The following CNTNAP5 variants were observed in gnomAD, a reference collection of about 807,000 sequenced individuals.
CNTNAP5 encodes the protein contactin-associated protein-like 5.
Under a neutral mutation model 150.2 loss-of-function variants are expected in CNTNAP5, and 72 were observed. The observed-to-expected ratio is 0.48, with a 90% confidence interval of 0.40 to 0.58. The LOEUF (loss-of-function observed/expected upper bound fraction) is 0.58. Among genes scored for constraint, CNTNAP5 ranks in the 20% least tolerant of loss-of-function variants. The pLI is 0.00. For synonymous variants in CNTNAP5, 672 were observed against 619.8 expected, an observed-to-expected ratio of 1.08 and a Z score of -1.25; for missense variants, 1,636 against 1,626.2, an observed-to-expected ratio of 1.01 and a Z score of -0.10.
At chr2:124,673,224 TA>T (rs1678859428) in intron 13 of CNTNAP5, among the ~76,000 whole-genome samples, 1 of 139,662 alleles carries the variant, frequency 7.2e-6, no homozygotes, top group Admixed American at 7.1e-5. Context: ...TACACAATCT[TA>T]AAACACTACA....
chr2:124,420,468 C>T (rs1692073902), intron 4 of CNTNAP5, among the ~76,000 whole-genome samples: 2 of 152,140 alleles, frequency 1.3e-5, no homozygotes, highest in South Asian at 2.1e-4. Context: ...CCTCCCTTCA[C>T]ACTGCAACTG....
At chr2:124,170,377 T>C (rs1356549458) in intron 1 of CNTNAP5, among the ~76,000 whole-genome samples, 1 of 152,202 alleles carries the variant, frequency 6.6e-6, no homozygotes, top group East Asian at 1.9e-4. Flanking sequence ...ACTTGTTCAT[T>C]TGGCATGATT....
At chr2:124,798,040 C>A (rs1397618465) in intron 18 of CNTNAP5, 56 bp from the exon 19 acceptor site, 36 of 1,372,646 alleles carry the variant, frequency 2.6e-5, no homozygotes, top group Non-Finnish European at 3.5e-5. Flanking sequence ...CTAAGGTTAG[C>A]TTGAACAATG....
intron 19 of CNTNAP5, among the ~76,000 whole-genome samples, chr2:124,802,135 G>T (rs1451200851): frequency 6.6e-6 from 1 of 152,098 alleles, no homozygotes; most frequent in East Asian, 1.9e-4. Flanking sequence ...GTGCACAATG[G>T]CTCTAATTTT....
chr2:124,754,790 C>T (rs1204590070), intron 14 of CNTNAP5, among the ~76,000 whole-genome samples: 1 of 152,010 alleles, frequency 6.6e-6, no homozygotes, highest in African/African-American at 2.4e-5. Context: ...TGACCTCAAG[C>T]AATCCTCACG....
chr2:124,496,703 G>A (rs1478780239), intron 7 of CNTNAP5, among the ~76,000 whole-genome samples: 1 of 152,172 alleles, frequency 6.6e-6, no homozygotes, highest in African/African-American at 2.4e-5. Flanking sequence ...TCCTGGAGTG[G>A]CGGGACAGCC....
At chr2:124,773,070 T>C (rs1681241632) in intron 17 of CNTNAP5, 53 bp downstream of exon 17, 1 of 1,413,934 alleles carries the variant, frequency 7.1e-7, no homozygotes, top group Admixed American at 1.7e-5. Flanking sequence ...GATCACTGTG[T>C]GACCATGCCC....
intron 3 of CNTNAP5, among the ~76,000 whole-genome samples, chr2:124,245,651 GTA>G (rs1398741564): frequency 1.4e-5 from 2 of 146,338 alleles, no homozygotes; most frequent in Non-Finnish European, 3.0e-5. Flanking sequence ...TTGTGTGTAT[GTA>G]TATATATACA....
intron 13 of CNTNAP5, among the ~76,000 whole-genome samples, chr2:124,735,554 T>A (rs1241117743): frequency 6.6e-6 from 1 of 152,158 alleles, no homozygotes; most frequent in African/African-American, 2.4e-5. Flanking sequence ...TCAATAATGA[T>A]CTGTAGTTTT....
At chr2:124,767,010 G>A (rs1231736316) in intron 16 of CNTNAP5, among the ~76,000 whole-genome samples, 1 of 152,152 alleles carries the variant, frequency 6.6e-6, no homozygotes, top group East Asian at 1.9e-4. Context: ...AAGGGGAAAA[G>A]ACCAAAGTGG....
At chr2:124,114,884 C>A (rs1683388189) in intron 1 of CNTNAP5, among the ~76,000 whole-genome samples, 1 of 151,336 alleles carries the variant, frequency 6.6e-6, no homozygotes, top group Non-Finnish European at 1.5e-5. Flanking sequence ...TTTTCTGCAT[C>A]TAAGATTTTA....
chr2:124,229,088 C>T (rs545947588), intron 2 of CNTNAP5, among the ~76,000 whole-genome samples: 1 of 152,266 alleles, frequency 6.6e-6, no homozygotes, highest in South Asian at 2.1e-4. Context: ...CAGGTAGACT[C>T]ATGTCTGCCC....
chr2:124,324,020 GA>G (rs757805535), intron 3 of CNTNAP5, among the ~76,000 whole-genome samples: 1 of 151,850 alleles, frequency 6.6e-6, no homozygotes, highest in Non-Finnish European at 1.5e-5. Context: ...AGAGCATTAC[GA>G]AAAAAAGAGC....
At chr2:124,798,869 G>T (rs1482408986) in intron 19 of CNTNAP5, among the ~76,000 whole-genome samples, 2 of 151,804 alleles carry the variant, frequency 1.3e-5, no homozygotes, top group Non-Finnish European at 2.9e-5. Flanking sequence ...GACAAATTGT[G>T]GCATTTGCTA....
intron 1 of CNTNAP5, among the ~76,000 whole-genome samples, chr2:124,082,035 T>C (rs1241551571): frequency 2.0e-5 from 3 of 152,292 alleles, no homozygotes; most frequent in South Asian, 2.1e-4. Context: ...ATTTTTGTCC[T>C]ATTATGAATG....
chr2:124,228,827 C>T (rs1450478550), intron 2 of CNTNAP5, among the ~76,000 whole-genome samples: 1 of 151,992 alleles, frequency 6.6e-6, no homozygotes, highest in East Asian at 1.9e-4. Context: ...ACTGGGTATC[C>T]CACTCAAGAT....
chr2:124,889,078 CTTTTTTT>C (rs761790564), intron 21 of CNTNAP5, among the ~76,000 whole-genome samples: 3 of 68,784 alleles, frequency 4.4e-5, no homozygotes, highest in African/African-American at 1.1e-4. Context: ...TGAGGTCTAG[CTTTTTTT>C]TTTTTTTTTT....
intron 1 of CNTNAP5, among the ~76,000 whole-genome samples, chr2:124,168,123 T>A (rs1361246247): frequency 6.6e-6 from 1 of 152,292 alleles, no homozygotes; most frequent in Non-Finnish European, 1.5e-5. Flanking sequence ...TTAGTTAACG[T>A]GATAAATGGT....
intron 2 of CNTNAP5, among the ~76,000 whole-genome samples, chr2:124,236,310 G>A (rs1396587600): frequency 6.6e-6 from 1 of 152,140 alleles, no homozygotes; most frequent in Non-Finnish European, 1.5e-5. Context: ...ATGTGGAACT[G>A]GAAGTGCAGG....
Sources: gnomAD v4.1 joint callset for allele counts (sites outside exome capture counted in the v4.1 genomes callset) on GRCh38, gnomAD v4.1.1 for gene constraint, MANE v1.5 for transcripts, NCBI Gene and HGNC (gene_info 2026-07-23, HGNC 2026-07-21) for gene names.